Variants in WNT7A observed in about 807,000 individuals in gnomAD.
WNT7A encodes protein Wnt-7a.
In WNT7A, 16 loss-of-function variants were observed where a neutral mutation model predicts 28.2. The ratio of observed to expected loss-of-function variants is 0.57; its 90% CI spans 0.38 to 0.86. The LOEUF (loss-of-function observed/expected upper bound fraction) is 0.86, where lower values mean the gene tolerates loss of function less well. Ranked by LOEUF, WNT7A falls within the 40% of genes least tolerant of loss-of-function variation. The pLI, the probability that WNT7A is intolerant of heterozygous loss-of-function variation, is 0.00. For synonymous variants in WNT7A, 190 were observed against 195.9 expected (o/e 0.97, Z 0.25); for missense variants, 411 against 489.7 (o/e 0.84, Z 1.52).
intron 1 of WNT7A, 45 bp downstream of exon 1, chr3:13,879,701 C>G (rs371285367): frequency 1.5e-5 from 24 of 1,596,788 alleles, no homozygotes; most frequent in Admixed American, 5.1e-5. Context: ...CGGGCCGTGC[C>G]AACTTTGTCG....
intron 2 of WNT7A, among the ~76,000 whole-genome samples, chr3:13,872,886 C>T (rs1033759467): frequency 4.6e-5 from 7 of 152,194 alleles, no homozygotes; most frequent in African/African-American, 7.2e-5. Flanking sequence ...GGCCCTGCCA[C>T]TCATTTGACT....
intron 3 of WNT7A, among the ~76,000 whole-genome samples, chr3:13,852,800 G>A (rs898966717): frequency 4.6e-5 from 7 of 152,146 alleles, no homozygotes; most frequent in Non-Finnish European, 7.3e-5. Context: ...GGGGCGGGAC[G>A]GGTGTGACTC....
At chr3:13,828,977 T>C (rs942172934) in intron 3 of WNT7A, among the ~76,000 whole-genome samples, 1 of 152,182 alleles carries the variant, frequency 6.6e-6, no homozygotes, top group African/African-American at 2.4e-5. Context: ...GCACACTCTC[T>C]GGCTCTCCAT....
chr3:13,868,414 G>T (rs963957612), intron 2 of WNT7A, among the ~76,000 whole-genome samples: 31 of 151,474 alleles, frequency 2.0e-4, no homozygotes, highest in African/African-American at 7.5e-4. Context: ...GGTGGAGGCT[G>T]CAGTGAGCTA....
chr3:13,819,044 T>G lies in WNT7A; in HGVS notation c.950A>C (p.Gln317Pro), dbSNP rs1029521855. Residue 317 changes from glutamine (Q) to proline (P), a missense_variant, in exon 4 of 4, where the codon CAG becomes CCG. Gln to Pro is a moderately conservative substitution (Grantham distance 76). Coordinates refer to ENST00000285018, the MANE Select transcript of WNT7A (RefSeq NM_004625.4). ...MCCGRGYNTH[Q>P]YARVWQCNCK... ...GTTGCACTGCCACACGCGGGCGTAC[T>G]GGTGGGTGTTGTAGCCACGCCCACA... 5 of 1,613,542 alleles carry G rather than the reference T, an allele frequency of 3.1e-6. No homozygotes were observed. Among genetic ancestry groups the G allele is most frequent in the Admixed American group, 3.3e-5 (2 of 60,014 alleles).
intron 3 of WNT7A, among the ~76,000 whole-genome samples, chr3:13,852,093 G>A (rs891308579): frequency 6.6e-6 from 1 of 152,234 alleles, no homozygotes; most frequent in Admixed American, 6.5e-5. Flanking sequence ...TGTGAGGGCA[G>A]GACGCCCCTG....
At chr3:13,836,333 G>A (rs528162448) in intron 3 of WNT7A, among the ~76,000 whole-genome samples, 45 of 152,272 alleles carry the variant, frequency 3.0e-4, no homozygotes, top group African/African-American at 1.1e-3. Context: ...CTCAGCCCTG[G>A]CCTCCAGATG....
chr3:13,833,242 C>T (rs185751414), intron 3 of WNT7A, among the ~76,000 whole-genome samples: 3 of 152,338 alleles, frequency 2.0e-5, no homozygotes, highest in African/African-American at 7.2e-5. Flanking sequence ...CACTCACACA[C>T]TCCCTCACAG....
chr3:13,823,610 A>G (rs1467877009), intron 3 of WNT7A, among the ~76,000 whole-genome samples: 1 of 152,216 alleles, frequency 6.6e-6, no homozygotes, highest in African/African-American at 2.4e-5. Flanking sequence ...GAATGTCAGT[A>G]TTTTATATTA....
At chr3:13,859,132 C>T (rs886446699) in intron 2 of WNT7A, among the ~76,000 whole-genome samples, 4 of 152,182 alleles carry the variant, frequency 2.6e-5, no homozygotes, top group Non-Finnish European at 4.4e-5. Flanking sequence ...TTACTATCAC[C>T]GAGTCCCATT....
At chr3:13,839,868 C>T (rs1694428884) in intron 3 of WNT7A, among the ~76,000 whole-genome samples, 1 of 152,184 alleles carries the variant, frequency 6.6e-6, no homozygotes, top group South Asian at 2.1e-4. Context: ...AATTAAAATG[C>T]TGACAGCCTC....
intron 3 of WNT7A, among the ~76,000 whole-genome samples, chr3:13,819,901 G>C (rs1476968324): frequency 6.6e-6 from 1 of 152,180 alleles, no homozygotes; most frequent in East Asian, 1.9e-4. Context: ...TGGGCCATGA[G>C]CCATATTTTG....
At chr3:13,851,371 C>G (rs1310283654) in intron 3 of WNT7A, among the ~76,000 whole-genome samples, 1 of 152,236 alleles carries the variant, frequency 6.6e-6, no homozygotes, top group Non-Finnish European at 1.5e-5. Context: ...GCCCCCACAG[C>G]ATGCTGTTAG....
chr3:13,830,729 C>T (rs1694269169), intron 3 of WNT7A, among the ~76,000 whole-genome samples: 1 of 152,218 alleles, frequency 6.6e-6, no homozygotes. Flanking sequence ...CCAAGCCACA[C>T]TTTCTCTACT....
intron 2 of WNT7A, among the ~76,000 whole-genome samples, chr3:13,861,733 C>T (rs1011119549): frequency 2.0e-5 from 3 of 152,164 alleles, no homozygotes; most frequent in Admixed American, 6.5e-5. Flanking sequence ...TGGATTCTGC[C>T]AGCCCTTCCT....
chr3:13,861,048 G>A (rs542481099), intron 2 of WNT7A, among the ~76,000 whole-genome samples: 8 of 152,348 alleles, frequency 5.3e-5, no homozygotes, highest in African/African-American at 1.7e-4. Flanking sequence ...TGAGGCCCAT[G>A]TGATACAACC....
intron 3 of WNT7A, among the ~76,000 whole-genome samples, chr3:13,841,354 G>A (rs1051610549): frequency 8.5e-5 from 13 of 152,208 alleles, no homozygotes; most frequent in Admixed American, 8.5e-4. Flanking sequence ...ATGAATAAGT[G>A]GATGAATACA....
chr3:13,873,069 G>C (rs1412097204), intron 2 of WNT7A, among the ~76,000 whole-genome samples: 1 of 152,048 alleles, frequency 6.6e-6, no homozygotes, highest in Non-Finnish European at 1.5e-5. Context: ...AACCACAAGC[G>C]ACAAGCAAGG....
chr3:13,858,001 T>C (rs1694773901), intron 2 of WNT7A, among the ~76,000 whole-genome samples: 1 of 152,208 alleles, frequency 6.6e-6, no homozygotes, highest in African/African-American at 2.4e-5. Flanking sequence ...AACAAGTCTC[T>C]ACAAGTACAA....
Sources: gnomAD v4.1 joint callset for allele counts (sites outside exome capture counted in the v4.1 genomes callset) on GRCh38, gnomAD v4.1.1 for gene constraint, MANE v1.5 for transcripts, NCBI Gene and HGNC (gene_info 2026-07-23, HGNC 2026-07-21) for gene names.